The following MCF2L variants were observed in gnomAD, a reference collection of about 807,000 sequenced individuals.
MCF2L encodes MCF.2 cell line derived transforming sequence like, also known as guanine nucleotide exchange factor DBS.
Under a neutral mutation model 153.4 loss-of-function variants are expected in MCF2L, and 97 were observed. That is an observed-to-expected ratio of 0.63 (90% CI 0.54 to 0.75). MCF2L has a LOEUF of 0.75. Ranked by LOEUF, MCF2L falls within the 30% of genes least tolerant of loss-of-function variation. The pLI is 0.00. For missense variants in MCF2L, 1,347 were observed against 1,495.2 expected, an observed-to-expected ratio of 0.90 and a Z score of 1.64; for synonymous variants, 659 against 632.2, an observed-to-expected ratio of 1.04 and a Z score of -0.64.
rs2086721847 is a variant in MCF2L at position 113,045,053 on chromosome 13, A to G, written c.279-218A>G. The G allele has an allele frequency of 4.7e-6, 5 of 1,064,564 alleles. No homozygotes were observed. Among genetic ancestry groups the G allele is most frequent in the Non-Finnish European group, 5.5e-6 (4 of 732,164 alleles). 65.9% of individuals were successfully genotyped at this position (1,064,564 alleles called of 1,614,324 possible). On this transcript the variant is annotated intron_variant, in intron 3 of 29. Coordinates refer to ENST00000535094, the MANE Select transcript of MCF2L (RefSeq NM_001112732.3). This position sits in a 1 kb window ranked among gnomAD's most constrained non-coding sequence, Gnocchi z 4.2. ...TGGTGTTAGGCTGAGAAATAAGAAC[A>G]CACCAAAAGTGCCTGCCCTTCCGTA...
chr13:113,004,922 C>T (rs539562490), intron 1 of MCF2L, among the ~76,000 whole-genome samples: 17 of 152,322 alleles, frequency 1.1e-4, no homozygotes, highest in Middle Eastern at 3.4e-3. Context: ...GCAGGTATCA[C>T]GGAAAACAGT....
At chr13:112,975,235 G>A (rs530480875) in intron 1 of MCF2L, among the ~76,000 whole-genome samples, 20 of 152,350 alleles carry the variant, frequency 1.3e-4, no homozygotes, top group South Asian at 6.2e-4. Context: ...GAATTCTAGC[G>A]AAGTACTGAA....
At chr13:113,005,998 C>T (rs1015008776) in intron 1 of MCF2L, among the ~76,000 whole-genome samples, 3 of 152,194 alleles carry the variant, frequency 2.0e-5, no homozygotes, top group African/African-American at 7.2e-5. Context: ...AATCATCGGA[C>T]TCGAAGCTCC....
chr13:113,025,219 T>C (rs1360424185), intron 3 of MCF2L, among the ~76,000 whole-genome samples: 1 of 110,486 alleles, frequency 9.1e-6, no homozygotes. Context: ...TCCCCGTGAC[T>C]GTGGGTCGGG....
At position 113,087,437 on chromosome 13, in the gene MCF2L, G is replaced by A. The variant is rs766123730; in HGVS notation, c.2576G>A (p.Ser859Asn). The A allele has an allele frequency of 6.2e-7, 1 of 1,610,248 alleles. No individual in the cohort carries two copies. The highest frequency in any genetic ancestry group is 1.3e-5 in the African/African-American group (1 of 74,904). ...GEGYEKAPSY[S>N]YKQSLNMAAV... ...GGGTATGAGAAAGCTCCCTCCTACA[G>A]CTACAAGCAGTCCTTAAACGTAAGT... The change falls in exon 22 of 30, where the codon AGC becomes AAC. Residue 859 changes from serine (S) to asparagine (N), a missense_variant. Physicochemically the swap from Ser to Asn is conservative, Grantham distance 46. This residue lies in a region of MCF2L where 144 missense variants were observed against 238.7 expected (regional missense o/e 0.60). Coordinates refer to ENST00000535094, the MANE Select transcript of MCF2L (RefSeq NM_001112732.3).
In MCF2L at chr13:113,070,772, G is replaced by A. The variant is rs899039380; in HGVS notation, c.996+599G>A. 4.6e-5 allele frequency among the ~76,000 whole-genome samples: 7 copies of A among 152,190 alleles called. No homozygotes were observed. Among genetic ancestry groups the A allele is most frequent in the Non-Finnish European group, 7.3e-5 (5 of 68,040 alleles). ...AGCTCTCTGCAGACCCCCAGGTGCC[G>A]GTGGCTCACTCATTGTGTTCCCCGG... is the stretch of plus-strand genomic sequence containing the variant. On this transcript the variant is annotated intron_variant, in intron 9 of 29. Coordinates refer to ENST00000535094, the MANE Select transcript of MCF2L (RefSeq NM_001112732.3). This position sits in a 1 kb window ranked among gnomAD's most constrained non-coding sequence, Gnocchi z 5.6.
Position 113,064,485 on chromosome 13 carries a change from T to G in MCF2L, c.606+65T>G. 2 of 1,027,346 alleles carry G rather than the reference T, an allele frequency of 1.9e-6. No homozygotes were observed. Among genetic ancestry groups the G allele is most frequent in the Non-Finnish European group, 3.0e-6 (2 of 659,316 alleles). The allele number at this position is 1,027,346 out of a possible 1,614,324, so 63.6% of individuals were successfully genotyped here. On this transcript the variant is annotated intron_variant, in intron 6 of 29. Transcript: ENST00000535094. The surrounding 1 kb of genome is among the most constrained non-coding windows in gnomAD (Gnocchi z 6.0). ...CTCGAGTACTTCCACAGAATCGCTCTTGCATTACAACACGGCCCTTTCCAA... is the reference window on the plus strand; with the variant it reads ...CTCGAGTACTTCCACAGAATCGCTCGTGCATTACAACACGGCCCTTTCCAA...
intron 1 of MCF2L, among the ~76,000 whole-genome samples, chr13:113,007,154 C>T (rs1485720867): frequency 6.6e-6 from 1 of 152,204 alleles, no homozygotes; most frequent in African/African-American, 2.4e-5. Context: ...GACTACACCC[C>T]AGCCAGGGCA....
At chr13:113,081,780 G>C (rs1015316540) in intron 16 of MCF2L, among the ~76,000 whole-genome samples, 2 of 152,040 alleles carry the variant, frequency 1.3e-5, no homozygotes, top group African/African-American at 4.8e-5. Flanking sequence ...AGTGTGCACA[G>C]GTGGTGGTCA....
intron 26 of MCF2L, chr13:113,093,554 G>A (rs1220289731): frequency 6.6e-6 from 1 of 150,644 alleles, no homozygotes; most frequent in Admixed American, 6.7e-5. Flanking sequence ...AGGGCACACA[G>A]GCATCCGTGC....
intron 21 of MCF2L, among the ~76,000 whole-genome samples, 177 bp from the exon 22 acceptor site, chr13:113,087,058 C>G (rs2034702462): frequency 6.6e-6 from 1 of 152,226 alleles, no homozygotes; most frequent in South Asian, 2.1e-4. Flanking sequence ...CCTCCTCCCC[C>G]AGCCCCTGGC....
chr13:112,933,031 AAAAT>A (rs71208922), intron 2 of MCF2L, among the ~76,000 whole-genome samples: 113 of 150,934 alleles, frequency 7.5e-4, no homozygotes, highest in Non-Finnish European at 1.3e-3. Context: ...GCTCCATCTC[AAAAT>A]AAATAAATAA....
intron 2 of MCF2L, among the ~76,000 whole-genome samples, chr13:112,946,760 T>A (rs1319703074): frequency 6.6e-6 from 1 of 152,222 alleles, no homozygotes; most frequent in Non-Finnish European, 1.5e-5. Context: ...ATCCCGTGGC[T>A]TTACTTTAGA....
chr13:112,894,629 A>T (rs1398415107), intron 1 of MCF2L, among the ~76,000 whole-genome samples: 3 of 151,922 alleles, frequency 2.0e-5, no homozygotes, highest in Non-Finnish European at 4.4e-5. Context: ...GCCCCTGCCC[A>T]GCGTCCTGCG....
chr13:112,895,338 C>G (rs911664934), intron 1 of MCF2L, among the ~76,000 whole-genome samples: 1 of 152,168 alleles, frequency 6.6e-6, no homozygotes. Flanking sequence ...CAGGATGTGC[C>G]GGCATGGCTG....
chr13:112,972,682 T>C (rs1236180545), intron 1 of MCF2L, among the ~76,000 whole-genome samples: 1 of 128,776 alleles, frequency 7.8e-6, no homozygotes, highest in African/African-American at 3.0e-5. Flanking sequence ...GTAAGGTAGA[T>C]GGAGGGGTAG....
At chr13:113,085,847 G>A (rs1314990497) in intron 20 of MCF2L, among the ~76,000 whole-genome samples, 7 of 106,038 alleles carry the variant, frequency 6.6e-5, no homozygotes, top group East Asian at 5.6e-4. Flanking sequence ...GGAGCTCCCC[G>A]GGGAGCAGGT....
rs543413289 is a variant in MCF2L at position 113,085,239 on chromosome 13, C to T, written c.2247+61C>T. The T allele has an allele frequency of 6.4e-3, 9,666 of 1,516,296 alleles. 52 individuals carry two copies. The highest frequency in any genetic ancestry group is 7.1e-3 in the Non-Finnish European group (7,828 of 1,099,798). The allele number at this position is 1,516,296 out of a possible 1,614,324, so 93.9% of individuals were successfully genotyped here. ...GCACCTGCTGGCCAGGTGTCTGTGC[C>T]GCCCTGGGGCCCCGTCCCCATCGCG... On this transcript the variant is annotated intron_variant, in intron 20 of 29. Coordinates refer to ENST00000535094, the MANE Select transcript of MCF2L (RefSeq NM_001112732.3).
chr13:112,999,610 G>A (rs562002977), intron 1 of MCF2L, among the ~76,000 whole-genome samples: 1 of 152,288 alleles, frequency 6.6e-6, no homozygotes, highest in South Asian at 2.1e-4. Context: ...GGAGGAGGTG[G>A]GCCTTGGGCC....
Sources: allele counts gnomAD v4.1 joint callset (sites outside exome capture counted in the v4.1 genomes callset), GRCh38; gene constraint gnomAD v4.1.1; regional missense constraint gnomAD v4.1.1; non-coding constraint Gnocchi (gnomAD v3.1); transcripts MANE v1.5; gene names NCBI Gene and HGNC (gene_info 2026-07-23, HGNC 2026-07-21).